The following ANGPT1 variants were observed in gnomAD, a reference collection of about 807,000 sequenced individuals.
The protein encoded by ANGPT1 is angiopoietin-1.
Under a neutral mutation model 62.2 loss-of-function variants are expected in ANGPT1, and 17 were observed. The observed-to-expected ratio is 0.27, with a 90% CI of 0.19 to 0.41. The LOEUF is 0.41. ANGPT1 is among the 10% of genes least tolerant of loss of function. The probability of loss-of-function intolerance (pLI) is 1.00; values close to 1 mark genes in which losing one functional copy is unlikely to be tolerated. For synonymous variants in ANGPT1, 199 were observed against 198.9 expected (o/e 1.00, Z 0.00); for missense variants, 478 against 594.9 (o/e 0.80, Z 2.04).
intron 4 of ANGPT1, among the ~76,000 whole-genome samples, chr8:107,316,683 A>T (rs1479168777): frequency 6.6e-6 from 1 of 152,138 alleles, no homozygotes; most frequent in Non-Finnish European, 1.5e-5. Context: ...TATAGAAAAA[A>T]TGTGGCCTTT....
chr8:107,275,120 C>T lies in ANGPT1; in HGVS notation c.1205+9562G>A, dbSNP rs140214524. 1.7e-3 allele frequency among the ~76,000 whole-genome samples: 252 copies of T among 152,214 alleles called. 1 individual carries two copies. Among genetic ancestry groups the T allele is most frequent in the African/African-American group, 5.5e-3 (227 of 41,548 alleles). ...GTTCTGTGGGGTTTTGTTTCATCCA[C>T]AGTAGCTTGCATATTGTTGTTGCTC... On this transcript the variant is annotated intron_variant, in intron 7 of 8. Transcript: ENST00000517746.
intron 1 of ANGPT1, among the ~76,000 whole-genome samples, chr8:107,493,840 C>G (rs60357123): frequency 6.7e-6 from 1 of 150,106 alleles, no homozygotes; most frequent in African/African-American, 2.5e-5. Context: ...TTAAAAAAAT[C>G]GTCATCATCA....
chr8:107,277,164 G>C (rs1813885941), intron 7 of ANGPT1, among the ~76,000 whole-genome samples: 1 of 151,998 alleles, frequency 6.6e-6, no homozygotes, highest in South Asian at 2.1e-4. Context: ...TTAAAAGAGA[G>C]GCTCATGATA....
At chr8:107,391,570 G>A (rs1275893243) in intron 1 of ANGPT1, among the ~76,000 whole-genome samples, 1 of 152,108 alleles carries the variant, frequency 6.6e-6, no homozygotes, top group East Asian at 1.9e-4. Context: ...GAGAGGCTGA[G>A]GCAGGAGAAT....
At chr8:107,416,000 A>AG (rs1272041633) in intron 1 of ANGPT1, among the ~76,000 whole-genome samples, 1 of 152,138 alleles carries the variant, frequency 6.6e-6, no homozygotes, top group Non-Finnish European at 1.5e-5. Context: ...GATAATCTGA[A>AG]GGGAAAAAAA....
chr8:107,380,402 AC>A (rs1396166967), intron 1 of ANGPT1, among the ~76,000 whole-genome samples: 1 of 150,752 alleles, frequency 6.6e-6, no homozygotes, highest in Non-Finnish European at 1.5e-5. Context: ...GCACAAAAAC[AC>A]ATCTGACTAT....
At chr8:107,360,879 G>A (rs557758695) in intron 1 of ANGPT1, among the ~76,000 whole-genome samples, 1 of 152,228 alleles carries the variant, frequency 6.6e-6, no homozygotes, top group East Asian at 1.9e-4. Context: ...AGACATTTGA[G>A]GACTTTGTAA....
At chr8:107,279,663 A>T (rs1813951337) in intron 7 of ANGPT1, among the ~76,000 whole-genome samples, 1 of 152,016 alleles carries the variant, frequency 6.6e-6, no homozygotes. Context: ...TAATTTGGCT[A>T]AATTAGTTAC....
intron 2 of ANGPT1, 148 bp from the exon 3 acceptor site, chr8:107,336,419 A>G (rs1205148551): frequency 3.2e-6 from 4 of 1,245,898 alleles, no homozygotes; most frequent in Non-Finnish European, 4.1e-6. Flanking sequence ...TAATCCCAGC[A>G]CTTTGGGAGG....
chr8:107,274,644 T>C (rs1370219399), intron 7 of ANGPT1, among the ~76,000 whole-genome samples: 1 of 152,128 alleles, frequency 6.6e-6, no homozygotes, highest in Non-Finnish European at 1.5e-5. Flanking sequence ...GAAATCTTAG[T>C]GGCAACTGTC....
intron 6 of ANGPT1, 64 bp downstream of exon 6, chr8:107,293,871 TA>T: frequency 7.9e-7 from 1 of 1,263,040 alleles, no homozygotes; most frequent in Non-Finnish European, 1.1e-6. Flanking sequence ...AGATTCATCA[TA>T]TAGTATGGAG....
chr8:107,374,737 T>C (rs1357376171), intron 1 of ANGPT1, among the ~76,000 whole-genome samples: 1 of 152,190 alleles, frequency 6.6e-6, no homozygotes, highest in Admixed American at 6.5e-5. Flanking sequence ...AAGAATTGAC[T>C]TGCATTTCCC....
chr8:107,310,974 TGTATGTGA>T (rs1446045997), intron 4 of ANGPT1, among the ~76,000 whole-genome samples: 4 of 97,952 alleles, frequency 4.1e-5, no homozygotes, highest in Non-Finnish European at 8.3e-5. Flanking sequence ...TGTATGAGTG[TGTATGTGA>T]GTGTGTGTGT....
chr8:107,282,332 A>T (rs1814027902), intron 7 of ANGPT1, among the ~76,000 whole-genome samples: 1 of 151,638 alleles, frequency 6.6e-6, no homozygotes, highest in South Asian at 2.1e-4. Flanking sequence ...ATGACAGAAC[A>T]GAAACCACAT....
chr8:107,345,213 G>T (rs1416477630), intron 2 of ANGPT1, among the ~76,000 whole-genome samples: 1 of 152,086 alleles, frequency 6.6e-6, no homozygotes, highest in African/African-American at 2.4e-5. Context: ...TGTTCTCACT[G>T]TATCTAATAA....
chr8:107,334,003 A>AAGGAAGGAAGGAAGGG (rs1672106204), intron 3 of ANGPT1, among the ~76,000 whole-genome samples: 1 of 140,716 alleles, frequency 7.1e-6, no homozygotes, highest in Non-Finnish European at 1.6e-5. Context: ...GGAGGGAAGG[A>AAGGAAGGAAGGAAGGG]AGGAAGGAAG....
chr8:107,416,886 G>A (rs112529575), intron 1 of ANGPT1, among the ~76,000 whole-genome samples: 2 of 151,072 alleles, frequency 1.3e-5, no homozygotes, highest in Non-Finnish European at 2.9e-5. Flanking sequence ...CTGCCTCCCT[G>A]GTTCAAGCAA....
At chr8:107,456,812 A>T (rs1166913885) in intron 1 of ANGPT1, among the ~76,000 whole-genome samples, 1 of 152,080 alleles carries the variant, frequency 6.6e-6, no homozygotes, top group Non-Finnish European at 1.5e-5. Flanking sequence ...ATCTCGAATT[A>T]TACCTATCTT....
chr8:107,478,744 T>A (rs780694424), intron 1 of ANGPT1, among the ~76,000 whole-genome samples: 4 of 152,098 alleles, frequency 2.6e-5, no homozygotes, highest in Non-Finnish European at 5.9e-5. Flanking sequence ...CACAGTGATC[T>A]TCCACCCACC....
Sources: gnomAD v4.1 joint callset for allele counts (sites outside exome capture counted in the v4.1 genomes callset) on GRCh38, gnomAD v4.1.1 for gene constraint, MANE v1.5 for transcripts, NCBI Gene and HGNC (gene_info 2026-07-23, HGNC 2026-07-21) for gene names.